SHOC2: variants seen among roughly 807,000 people sequenced by gnomAD.
SHOC2 encodes the protein leucine-rich repeat protein SHOC-2.
Under a neutral mutation model 50.2 loss-of-function variants are expected in SHOC2, and 4 were observed. That is an observed-to-expected ratio of 0.08 (90% confidence interval 0.04 to 0.18). The LOEUF is 0.18. Among genes scored for constraint, SHOC2 ranks in the 10% least tolerant of loss-of-function variants. The pLI is 1.00. For synonymous variants in SHOC2, 218 were observed against 244.5 expected (o/e 0.89, Z 1.01); for missense variants, 388 against 669.6 (o/e 0.58, Z 4.64).
intron 1 of SHOC2, among the ~76,000 whole-genome samples, chr10:110,940,490 A>G (rs1847114878): frequency 6.6e-6 from 1 of 152,224 alleles, no homozygotes; most frequent in Non-Finnish European, 1.5e-5. Flanking sequence ...AAAGTCCTCT[A>G]AATGTTCAAA....
At chr10:110,928,526 A>G (rs967352564) in intron 1 of SHOC2, among the ~76,000 whole-genome samples, 8 of 152,190 alleles carry the variant, frequency 5.3e-5, no homozygotes, top group Admixed American at 2.0e-4. Flanking sequence ...ACTAGTTGTA[A>G]AAGATAGATT....
At chr10:111,006,401 C>T (rs11195401) in intron 5 of SHOC2, among the ~76,000 whole-genome samples, 2,844 of 152,226 alleles carry the variant, frequency 0.019, 42 homozygotes, top group Non-Finnish European at 0.031. Context: ...GACGGAGTCT[C>T]GCTCTGTCAC....
chr10:110,985,792 T>C (rs769923472), intron 3 of SHOC2, 27 bp downstream of exon 3: 2 of 1,579,928 alleles, frequency 1.3e-6, no homozygotes, highest in East Asian at 4.5e-5. Flanking sequence ...GAGATATTGA[T>C]AGCTGTTAAT....
chr10:110,941,561 G>T (rs1847146142), intron 1 of SHOC2, among the ~76,000 whole-genome samples: 1 of 151,970 alleles, frequency 6.6e-6, no homozygotes, highest in Non-Finnish European at 1.5e-5. Flanking sequence ...CGAACTCCTG[G>T]CCTCAAGTGA....
At chr10:110,976,857 A>AT (rs1452135816) in intron 2 of SHOC2, among the ~76,000 whole-genome samples, 1 of 151,182 alleles carries the variant, frequency 6.6e-6, no homozygotes, top group Non-Finnish European at 1.5e-5. Context: ...TTACTTGGTC[A>AT]TTTTTTTTCT....
chr10:110,931,222 C>T (rs1225237503), intron 1 of SHOC2, among the ~76,000 whole-genome samples: 1 of 152,122 alleles, frequency 6.6e-6, no homozygotes, highest in Non-Finnish European at 1.5e-5. Context: ...GTTGTGGACT[C>T]TTGACATAAT....
At chr10:110,941,754 A>C (rs567412283) in intron 1 of SHOC2, among the ~76,000 whole-genome samples, 1 of 152,130 alleles carries the variant, frequency 6.6e-6, no homozygotes, top group Non-Finnish European at 1.5e-5. Flanking sequence ...TTGTGGGGCA[A>C]AACTTTTTAA....
chr10:110,935,755 A>T (rs1165232961), intron 1 of SHOC2, among the ~76,000 whole-genome samples: 1 of 152,210 alleles, frequency 6.6e-6, no homozygotes, highest in Non-Finnish European at 1.5e-5. Flanking sequence ...AACAATTGAA[A>T]TATACTTAAA....
intron 3 of SHOC2, among the ~76,000 whole-genome samples, chr10:110,992,967 T>C (rs1350803606): frequency 6.6e-6 from 1 of 152,222 alleles, no homozygotes; most frequent in Non-Finnish European, 1.5e-5. Flanking sequence ...AAAGTTATAC[T>C]AAATTAAACT....
At chr10:110,950,214 T>C (rs921294493) in intron 1 of SHOC2, among the ~76,000 whole-genome samples, 5 of 152,088 alleles carry the variant, frequency 3.3e-5, no homozygotes, top group Admixed American at 2.6e-4. Flanking sequence ...AATATAAAAT[T>C]AGCTTACAAA....
At chr10:110,967,851 AT>A (rs1392168918) in intron 2 of SHOC2, among the ~76,000 whole-genome samples, 2 of 152,064 alleles carry the variant, frequency 1.3e-5, no homozygotes, top group East Asian at 3.8e-4. Context: ...AGTATACCAC[AT>A]TTTATTTATG....
intron 1 of SHOC2, among the ~76,000 whole-genome samples, chr10:110,921,935 A>G (rs1009540567): frequency 2.6e-5 from 4 of 152,112 alleles, no homozygotes; most frequent in Non-Finnish European, 5.9e-5. Flanking sequence ...AAAGAGTGAT[A>G]TTAAAATATA....
chr10:111,004,326 TTAAA>T, intron 4 of SHOC2, among the ~76,000 whole-genome samples: 1 of 152,326 alleles, frequency 6.6e-6, no homozygotes, highest in African/African-American at 2.4e-5. Context: ...ATACAGTGTT[TTAAA>T]TAAATTGAAG....
At chr10:111,001,495 A>G (rs1341300639) in intron 4 of SHOC2, among the ~76,000 whole-genome samples, 3 of 152,158 alleles carry the variant, frequency 2.0e-5, no homozygotes, top group African/African-American at 4.8e-5. Context: ...TATCAACATT[A>G]TTAGTCTTTT....
intron 1 of SHOC2, among the ~76,000 whole-genome samples, chr10:110,921,867 G>T (rs1846659158): frequency 6.6e-6 from 1 of 151,630 alleles, no homozygotes; most frequent in Non-Finnish European, 1.5e-5. Context: ...TTTTCTGATC[G>T]CTCATTATTA....
At chr10:110,986,584 C>A (rs1848081853) in intron 3 of SHOC2, among the ~76,000 whole-genome samples, 2 of 152,084 alleles carry the variant, frequency 1.3e-5, no homozygotes, top group Non-Finnish European at 2.9e-5. Context: ...TGCGATTCTC[C>A]TGCTTCAGCC....
intron 1 of SHOC2, chr10:110,920,040 A>T (rs542917723): frequency 6.7e-6 from 1 of 149,178 alleles, no homozygotes; most frequent in Admixed American, 6.7e-5. Flanking sequence ...CCCCCGGCGG[A>T]CAGTCTCTCT....
At chr10:110,951,435 T>C (rs1344274460) in intron 1 of SHOC2, among the ~76,000 whole-genome samples, 1 of 152,208 alleles carries the variant, frequency 6.6e-6, no homozygotes, top group Non-Finnish European at 1.5e-5. Context: ...TTTTACACTG[T>C]TGTAAATTGG....
intron 2 of SHOC2, among the ~76,000 whole-genome samples, chr10:110,977,256 G>C (rs74868147): frequency 2.0e-5 from 3 of 151,796 alleles, no homozygotes; most frequent in African/African-American, 7.3e-5. Context: ...TGCATGTCTG[G>C]TAATTTTTTT....
Sources: allele counts gnomAD v4.1 joint callset (sites outside exome capture counted in the v4.1 genomes callset), GRCh38; gene constraint gnomAD v4.1.1; transcripts MANE v1.5; gene names NCBI Gene and HGNC (gene_info 2026-07-23, HGNC 2026-07-21).